LDHAL6A: variants seen among roughly 807,000 people sequenced by gnomAD.
LDHAL6A encodes the protein lactate dehydrogenase A like 6A.
Under a neutral mutation model 28.2 loss-of-function variants are expected in LDHAL6A, and 19 were observed. The ratio of observed to expected loss-of-function variants is 0.67; its 90% confidence interval spans 0.47 to 0.99. The LOEUF (loss-of-function observed/expected upper bound fraction) is 0.99, where lower values mean the gene tolerates loss of function less well. LDHAL6A is among the 50% of genes least tolerant of loss of function. The pLI is 0.00. For synonymous variants in LDHAL6A, 144 were observed against 134.4 expected, an observed-to-expected ratio of 1.07 and a Z score of -0.49; for missense variants, 372 against 398.6, an observed-to-expected ratio of 0.93 and a Z score of 0.57.
chr11:18,456,403 T>C lies in LDHAL6A; in HGVS notation c.-278T>C, dbSNP rs1848755274. The C allele has an allele frequency of 3.0e-6, 1 of 332,164 alleles. No homozygotes were observed. Among genetic ancestry groups the C allele is most frequent in the African/African-American group, 2.7e-5 (1 of 36,646 alleles). The allele number at this position is 332,164 out of a possible 1,614,324, so 20.6% of individuals were successfully genotyped here. On this transcript the variant is annotated 5_prime_UTR_variant, in exon 1 of 7. Transcript: ENST00000280706. ...TGTTTGGTGGAGCAACCCCTGTTCC[T>C]TTCCTCTCTCTCTCTCTTAATTCCT...
At chr11:18,474,547 T>G (rs1590260322) in intron 3 of LDHAL6A, among the ~76,000 whole-genome samples, 1 of 152,040 alleles carries the variant, frequency 6.6e-6, no homozygotes, top group Non-Finnish European at 1.5e-5. Context: ...CCACCATGCC[T>G]GGCTAATTTT....
At chr11:18,462,655 C>CAAA (rs71047600) in intron 1 of LDHAL6A, among the ~76,000 whole-genome samples, 1 of 105,530 alleles carries the variant, frequency 9.5e-6, no homozygotes, top group Admixed American at 9.6e-5. Flanking sequence ...AACAAACAAA[C>CAAA]AAAAAAAAAA....
intron 3 of LDHAL6A, among the ~76,000 whole-genome samples, chr11:18,466,404 G>A (rs996199632): frequency 6.6e-6 from 1 of 152,098 alleles, no homozygotes; most frequent in Non-Finnish European, 1.5e-5. Flanking sequence ...TGTAATCCCA[G>A]CACTTTGGGA....
intron 2 of LDHAL6A, among the ~76,000 whole-genome samples, chr11:18,464,977 G>GTGTTT (rs1849013557): frequency 8.0e-6 from 1 of 125,488 alleles, no homozygotes; most frequent in African/African-American, 3.4e-5. Flanking sequence ...TGTTTTTTTT[G>GTGTTT]TTTTTTTTTG....
chr11:18,477,869 TTGC>T (rs1849429254), intron 6 of LDHAL6A, 126 bp downstream of exon 6: 1 of 821,614 alleles, frequency 1.2e-6, no homozygotes, highest in Admixed American at 3.2e-5. Flanking sequence ...AGTCTGTTCT[TTGC>T]TGCTGAAGAG....
chr11:18,468,947 T>A (rs975149379), intron 3 of LDHAL6A: 2 of 362,872 alleles, frequency 5.5e-6, no homozygotes, highest in Non-Finnish European at 9.8e-6. Flanking sequence ...TTTGATTCTT[T>A]AAAAAAAATA....
chr11:18,477,787 A>G, intron 6 of LDHAL6A, 44 bp downstream of exon 6: 1 of 1,552,138 alleles, frequency 6.4e-7, no homozygotes, highest in Non-Finnish European at 8.7e-7. Context: ...AACATAAAAT[A>G]GGGGGGTAAA....
Position 18,476,289 on chromosome 11 carries a change from T to G in LDHAL6A, c.593-95T>G, listed in dbSNP as rs1355024336. The G allele has an allele frequency of 4.3e-6, 6 of 1,392,240 alleles. No homozygotes were observed. In the African/African-American group the frequency reaches 5.8e-5, roughly 14 times the overall value. The allele number at this position is 1,392,240 out of a possible 1,614,324, so 86.2% of individuals were successfully genotyped here. On this transcript the variant is annotated intron_variant, in intron 4 of 6. Transcript: ENST00000280706. ...ATATCGGAACATTCCTAGTTGGAAA[T>G]CACTCAGGGCAATTATAACAGTTTT...
At chr11:18,475,784 T>G (rs1849362311) in intron 4 of LDHAL6A, 145 bp downstream of exon 4, 1 of 541,198 alleles carries the variant, frequency 1.8e-6, no homozygotes, top group East Asian at 3.2e-5. Flanking sequence ...TTACCACACT[T>G]ATTTTTAAAA....
Position 18,475,725 on chromosome 11 carries a change from G to A in LDHAL6A, c.592+86G>A, listed in dbSNP as rs1849360249. The A allele has an allele frequency of 3.4e-6, 4 of 1,187,932 alleles. No homozygotes were observed. The South Asian group carries it at 7.4e-5, about 22-fold the overall frequency. The allele number at this position is 1,187,932 out of a possible 1,614,324, so 73.6% of individuals were successfully genotyped here. On this transcript the variant is annotated intron_variant, in intron 4 of 6. Coordinates refer to ENST00000280706, the MANE Select transcript of LDHAL6A (RefSeq NM_144972.5). Reference sequence around the variant, plus strand: ...TTAATGTAAAGTAGCTCCTGGGAGGGGAGAAAAGACTTTATTCCACTTTAG... The same window carrying A: ...TTAATGTAAAGTAGCTCCTGGGAGGAGAGAAAAGACTTTATTCCACTTTAG...
chr11:18,461,869 A>T (rs1848918200), intron 1 of LDHAL6A, among the ~76,000 whole-genome samples: 1 of 151,376 alleles, frequency 6.6e-6, no homozygotes, highest in Non-Finnish European at 1.5e-5. Context: ...AGAAAAAAAA[A>T]AAAAAACTAG....
At position 18,476,416 on chromosome 11, in the gene LDHAL6A, G is replaced by T. The variant is rs138755561; in HGVS notation, c.625G>T (p.Val209Phe). Reference sequence around the variant, plus strand: ...GTGGAGTGGTGTGAACATTGCTGGCGTCCCTCTGAAGGATCTGAACCCAGA... The same window carrying T: ...GTGGAGTGGTGTGAACATTGCTGGCTTCCCTCTGAAGGATCTGAACCCAGA... The part of the protein sequence containing the change: ...PVWSGVNIAG[V>F]PLKDLNPDIG... Residue 209 changes from valine (V) to phenylalanine (F), a missense_variant, in exon 5 of 7, where the codon GTC (valine) becomes TTC (phenylalanine). Val to Phe is a conservative substitution (Grantham distance 50). Coordinates refer to ENST00000280706, the MANE Select transcript of LDHAL6A (RefSeq NM_144972.5). The T allele has an allele frequency of 6.2e-6, 10 of 1,613,920 alleles. No homozygotes were observed. The highest frequency in any genetic ancestry group is 8.5e-6 in the Non-Finnish European group (10 of 1,179,960).
intron 3 of LDHAL6A, among the ~76,000 whole-genome samples, chr11:18,470,101 G>A (rs1196219227): frequency 6.6e-6 from 1 of 152,128 alleles, no homozygotes; most frequent in African/African-American, 2.4e-5. Flanking sequence ...GCTAATTTTT[G>A]TATTTTTAGT....
Position 18,465,727 on chromosome 11 carries a change from G to T in LDHAL6A, c.335G>T (p.Arg112Leu), listed in dbSNP as rs140413894. ...KGETRLDLVQ[R>L]NVSIFKLMIP... The stretch of plus-strand genomic sequence containing the variant: ...GAAACACGCCTTGATTTAGTCCAGC[G>T]AAATGTATCCATCTTTAAATTAATG... Residue 112 changes from arginine to leucine, a missense_variant, in exon 3 of 7, where the codon CGA becomes CTA. Coordinates refer to ENST00000280706, the MANE Select transcript of LDHAL6A (RefSeq NM_144972.5). 2.3e-3 allele frequency: 3,722 copies of T among 1,613,550 alleles called. 9 individuals are homozygous for T. Among genetic ancestry groups the T allele is most frequent in the Admixed American group, 3.6e-3 (217 of 60,000 alleles).
rs769421552 is a variant in LDHAL6A at position 18,456,693 on chromosome 11, A to G, written c.13A>G (p.Lys5Glu). 1 of 1,613,998 alleles carries G rather than the reference A, an allele frequency of 6.2e-7. No individual in the cohort carries two copies. The highest frequency in any genetic ancestry group is 8.5e-7 in the Non-Finnish European group (1 of 1,179,912). Residue 5 changes from lysine to glutamate, a missense_variant, in exon 1 of 7, where the codon AAG becomes GAG. Lys to Glu is a moderately conservative substitution (Grantham distance 56). Around this residue, in one of 3 missense-constraint regions of LDHAL6A, gnomAD observed 77 missense variants for 77.9 expected, o/e 0.99. Coordinates refer to ENST00000280706, the MANE Select transcript of LDHAL6A (RefSeq NM_144972.5). Reference protein sequence around the residue: MATIKSELIKNFAEE... With the variant: MATIESELIKNFAEE... Reference sequence around the variant, plus strand: ...TTAGGTTTCCAAGATGGCAACTATCAAGAGTGAACTTATTAAGAATTTCGC... The same window carrying G: ...TTAGGTTTCCAAGATGGCAACTATCGAGAGTGAACTTATTAAGAATTTCGC...
chr11:18,455,921 TGCCAAGCATCAC>T lies in LDHAL6A; in HGVS notation c.-759_-748del, dbSNP rs1848740543. On this transcript the variant is annotated 5_prime_UTR_variant, in exon 1 of 7. Coordinates refer to ENST00000280706, the MANE Select transcript of LDHAL6A (RefSeq NM_144972.5). ...CATCACACCTGCCAAGCATCACACCTGCCAAGCATCACACCTGCGATGCCTGCACGAGCTGGG... is the reference window on the plus strand; with the variant it reads ...CATCACACCTGCCAAGCATCACACCTACCTGCGATGCCTGCACGAGCTGGG... 7.9e-6 allele frequency: 1 copy of T among 126,516 alleles called. No homozygotes were observed. The highest frequency in any genetic ancestry group is 3.5e-5 in the African/African-American group (1 of 28,624). 7.8% of individuals were successfully genotyped at this position (126,516 alleles called of 1,614,324 possible).
In LDHAL6A at chr11:18,477,610, C is replaced by T. The variant is rs1849419650; in HGVS notation, c.711-10C>T. ...TCTTAACTTATGTTTATGGTTTCTT[C>T]TATCTACAGTGGCTATGAGATGGTC... On this transcript the variant is annotated splice_polypyrimidine_tract_variant and intron_variant, in intron 5 of 6. Transcript: ENST00000280706. The T allele has an allele frequency of 3.1e-6, 5 of 1,592,030 alleles. No individual in the cohort carries two copies. The highest frequency in any genetic ancestry group is 4.3e-6 in the Non-Finnish European group (5 of 1,173,248).
At chr11:18,459,577 A>G (rs1024103285) in intron 1 of LDHAL6A, among the ~76,000 whole-genome samples, 2 of 152,158 alleles carry the variant, frequency 1.3e-5, no homozygotes, top group Admixed American at 6.5e-5. Context: ...CATCTATCCT[A>G]TTAGTCCTGT....
intron 2 of LDHAL6A, among the ~76,000 whole-genome samples, chr11:18,464,659 G>A (rs1330917150): frequency 6.6e-6 from 1 of 151,430 alleles, no homozygotes; most frequent in Non-Finnish European, 1.5e-5. Flanking sequence ...AGGTTGTGGT[G>A]AGCCAAGATC....
Sources: gnomAD v4.1 joint callset for allele counts (sites outside exome capture counted in the v4.1 genomes callset) on GRCh38, gnomAD v4.1.1 for gene constraint, gnomAD v4.1.1 regional missense constraint, MANE v1.5 for transcripts, NCBI Gene and HGNC (gene_info 2026-07-23, HGNC 2026-07-21) for gene names.